SSH1: variants seen among roughly 807,000 people sequenced by gnomAD.
SSH1 encodes slingshot protein phosphatase 1, also known as protein phosphatase Slingshot homolog 1.
A neutral mutation model predicts 79.7 loss-of-function variants in SSH1; 43 were observed. The observed-to-expected ratio is 0.54, with a 90% CI of 0.42 to 0.70. SSH1 has a LOEUF of 0.70. Among genes scored for constraint, SSH1 ranks in the 30% least tolerant of loss-of-function variants. SSH1 has a pLI of 0.00. For synonymous variants in SSH1, 599 were observed against 538.3 expected (o/e 1.11, Z -1.56); for missense variants, 1,206 against 1,358.8 (o/e 0.89, Z 1.77).
chr12:108,822,124 G>A (rs2038145275), intron 3 of SSH1, among the ~76,000 whole-genome samples: 1 of 143,630 alleles, frequency 7.0e-6, no homozygotes, highest in South Asian at 2.2e-4. Flanking sequence ...TGGCGCAATC[G>A]TGGCTCACTG....
Position 108,802,348 on chromosome 12 carries a change from G to A in SSH1, c.975C>T (p.Ser325=). 1 of 1,614,062 alleles carries A rather than the reference G, an allele frequency of 6.2e-7. No individual in the cohort carries two copies. Among genetic ancestry groups the A allele is most frequent in the Non-Finnish European group, 8.5e-7 (1 of 1,179,966 alleles). Residue 325 remains serine, a synonymous_variant, in exon 11 of 15, where the codon TCC becomes TCT. Coordinates refer to ENST00000326495, the MANE Select transcript of SSH1 (RefSeq NM_018984.4). ...CTGAGCCCTGCAGTTCCTCCAGATT[G>A]GATGCATTCCATTCAGAGCCCTGGG... is the stretch of plus-strand genomic sequence containing the variant. ...HLYLGSEWNA[S]NLEELQGSGV... is the part of the protein sequence containing the mutation.
At position 108,792,410 on chromosome 12, in the gene SSH1, G is replaced by A. The variant is rs760618141; in HGVS notation, c.1769C>T (p.Thr590Met). ...RSGSLLQVEETEREEGLGAGR... is the reference protein window; with the variant it reads ...RSGSLLQVEEMEREEGLGAGR... ...TGCTCCCAGGCCCTCCTCCCTTTCC[G>A]TCTCCTCCACCTGCAGCAAGGAGCC... Residue 590 changes from threonine (T) to methionine (M), a missense_variant, in exon 14 of 15, where the codon ACG becomes ATG. Thr to Met is a moderately conservative substitution (Grantham distance 81). This residue lies in a region of SSH1 where 709 missense variants were observed against 730.6 expected (regional missense o/e 0.97). Transcript: ENST00000326495. The A allele has an allele frequency of 3.7e-5, 59 of 1,613,978 alleles. No homozygotes were observed. Among genetic ancestry groups the A allele is most frequent in the Admixed American group, 1.5e-4 (9 of 59,994 alleles).
chr12:108,815,286 AC>A (rs1166754621), intron 5 of SSH1, among the ~76,000 whole-genome samples: 1 of 152,060 alleles, frequency 6.6e-6, no homozygotes, highest in African/African-American at 2.4e-5. Flanking sequence ...AGCACTACCC[AC>A]CCCAGGGGGA....
intron 8 of SSH1, among the ~76,000 whole-genome samples, chr12:108,806,998 T>C (rs759190045): frequency 1.3e-5 from 2 of 152,188 alleles, no homozygotes; most frequent in African/African-American, 2.4e-5. Flanking sequence ...GGTTTATCCA[T>C]AGTCTTCCCA....
intron 5 of SSH1, among the ~76,000 whole-genome samples, chr12:108,812,755 T>C (rs1028035618): frequency 1.3e-5 from 2 of 152,196 alleles, no homozygotes; most frequent in Non-Finnish European, 2.9e-5. Flanking sequence ...TGCACGCATC[T>C]CCTATCATCC....
At chr12:108,854,591 C>T (rs1010328694) in intron 1 of SSH1, among the ~76,000 whole-genome samples, 2 of 152,200 alleles carry the variant, frequency 1.3e-5, no homozygotes, top group Non-Finnish European at 2.9e-5. Flanking sequence ...GTCAGGAAAG[C>T]ACTGCCCTAA....
chr12:108,817,635 G>A (rs543120076), intron 4 of SSH1, among the ~76,000 whole-genome samples: 4 of 152,254 alleles, frequency 2.6e-5, no homozygotes, highest in East Asian at 1.9e-4. Flanking sequence ...ACCAGGCCTC[G>A]TTTCTCTCTG....
At chr12:108,816,149 A>T (rs1555234545) in intron 5 of SSH1, among the ~76,000 whole-genome samples, 3 of 150,256 alleles carry the variant, frequency 2.0e-5, no homozygotes, top group Non-Finnish European at 4.4e-5. Context: ...CTCAACAGTC[A>T]CCCCCTCCTG....
At chr12:108,844,343 A>T (rs563372319) in intron 2 of SSH1, among the ~76,000 whole-genome samples, 1 of 152,282 alleles carries the variant, frequency 6.6e-6, no homozygotes, top group South Asian at 2.1e-4. Context: ...CAAATCCAAG[A>T]GACACTAAGC....
intron 2 of SSH1, among the ~76,000 whole-genome samples, chr12:108,829,058 T>C (rs2137218009): frequency 6.6e-6 from 1 of 152,312 alleles, no homozygotes; most frequent in East Asian, 1.9e-4. Flanking sequence ...CTGGGGGTGA[T>C]GACTCATTCC....
chr12:108,788,151 G>A lies in SSH1; in HGVS notation c.2987C>T (p.Ala996Val). 2 of 1,614,072 alleles carry A rather than the reference G, an allele frequency of 1.2e-6. No homozygotes were observed. The highest frequency in any genetic ancestry group is 1.7e-6 in the Non-Finnish European group (2 of 1,180,018). The change falls in exon 15 of 15, where the codon GCT becomes GTT. Residue 996 changes from alanine (A) to valine (V), a missense_variant. Physicochemically the swap from Ala to Val is moderately conservative, Grantham distance 64. Coordinates refer to ENST00000326495, the MANE Select transcript of SSH1 (RefSeq NM_018984.4). ...GGAGTCAGCGACGGTGGACGGGTCA[G>A]CCTCACTGGACAGGTCTTCCGTTGA... Reference protein sequence around the residue: ...TFSTEDLSSEADPSTVADSQD... With the variant: ...TFSTEDLSSEVDPSTVADSQD...
At chr12:108,845,665 C>A (rs2038884006) in intron 2 of SSH1, among the ~76,000 whole-genome samples, 1 of 152,180 alleles carries the variant, frequency 6.6e-6, no homozygotes, top group Non-Finnish European at 1.5e-5. Context: ...CTAGCCTGAG[C>A]AACGTGAGCG....
intron 2 of SSH1, 88 bp from the exon 3 acceptor site, chr12:108,823,449 G>T: frequency 9.6e-7 from 1 of 1,042,574 alleles, no homozygotes; most frequent in Non-Finnish European, 1.5e-6. Flanking sequence ...AAGCTTTAGC[G>T]TGGACAAATG....
intron 4 of SSH1, among the ~76,000 whole-genome samples, chr12:108,817,537 C>T (rs900624342): frequency 8.6e-5 from 13 of 151,262 alleles, no homozygotes; most frequent in African/African-American, 2.4e-4. Flanking sequence ...ATCATGCCAC[C>T]ACATGCCAGC....
At chr12:108,800,630 C>T in intron 12 of SSH1, 150 bp downstream of exon 12, 1 of 884,944 alleles carries the variant, frequency 1.1e-6, no homozygotes, top group South Asian at 1.5e-5. Context: ...CACATCAAGT[C>T]CACTCCCACC....
At chr12:108,796,065 G>A (rs920532839) in intron 13 of SSH1, among the ~76,000 whole-genome samples, 4 of 151,984 alleles carry the variant, frequency 2.6e-5, no homozygotes, top group African/African-American at 4.8e-5. Context: ...ACAGGTGCAC[G>A]CCACCACACC....
At position 108,792,506 on chromosome 12, in the gene SSH1, T is replaced by G; in HGVS notation, c.1673A>C (p.Gln558Pro). ...CTTCTCACAGAGTCCGGAACCTTGC[T>G]GGGGCTGTCTGGCCGGCCTGTGCAC... ...AEVHRPARQP[Q>P]QGSGLCEKDV... The change falls in exon 14 of 15, where the codon CAG (glutamine) becomes CCG (proline). Residue 558 changes from glutamine to proline, a missense_variant. Gln to Pro is a moderately conservative substitution (Grantham distance 76). Coordinates refer to ENST00000326495, the MANE Select transcript of SSH1 (RefSeq NM_018984.4). The G allele has an allele frequency of 6.2e-7, 1 of 1,614,196 alleles. No individual in the cohort carries two copies. The highest frequency in any genetic ancestry group is 8.5e-7 in the Non-Finnish European group (1 of 1,180,026).
At chr12:108,817,662 G>A (rs967773610) in intron 4 of SSH1, among the ~76,000 whole-genome samples, 10 of 152,284 alleles carry the variant, frequency 6.6e-5, no homozygotes, top group South Asian at 4.1e-4. Flanking sequence ...CAGGGACGCC[G>A]CCTGGCTCAG....
chr12:108,818,414 A>C, intron 3 of SSH1, 101 bp from the exon 4 acceptor site: 1 of 1,107,154 alleles, frequency 9.0e-7, no homozygotes. Flanking sequence ...AAAGATTGAG[A>C]AGTTAAAATT....
Sources: gnomAD v4.1 joint callset for allele counts (sites outside exome capture counted in the v4.1 genomes callset) on GRCh38, gnomAD v4.1.1 for gene constraint, gnomAD v4.1.1 regional missense constraint, MANE v1.5 for transcripts, NCBI Gene and HGNC (gene_info 2026-07-23, HGNC 2026-07-21) for gene names.